Variants in HSPA12A observed in about 807,000 individuals in gnomAD.
The protein encoded by HSPA12A is heat shock protein family A (Hsp70) member 12A, also known as heat shock 70 kDa protein 12A.
In HSPA12A, 28 loss-of-function variants were observed where a neutral mutation model predicts 69.2. The observed-to-expected ratio is 0.40, with a 90% confidence interval of 0.30 to 0.55. HSPA12A has a LOEUF of 0.55. Ranked by LOEUF, HSPA12A falls within the 20% of genes least tolerant of loss-of-function variation. The probability of loss-of-function intolerance (pLI) is 0.38; values close to 1 mark genes in which losing one functional copy is unlikely to be tolerated. For missense variants in HSPA12A, 686 were observed against 900.7 expected, an observed-to-expected ratio of 0.76 and a Z score of 3.05; for synonymous variants, 345 against 370.5, an observed-to-expected ratio of 0.93 and a Z score of 0.79.
At chr10:116,754,187 T>C (rs1293499873) in intron 2 of HSPA12A, among the ~76,000 whole-genome samples, 2 of 152,136 alleles carry the variant, frequency 1.3e-5, no homozygotes, top group Admixed American at 1.3e-4. Context: ...GAGAAGGAAG[T>C]GGGCTCTTCC....
chr10:116,830,850 A>G (rs1326619328), intron 2 of HSPA12A: 1 of 152,390 alleles, frequency 6.6e-6, no homozygotes, highest in East Asian at 1.9e-4. Context: ...TTATAGGTAT[A>G]TGCATATATA....
At chr10:116,815,076 C>T (rs372772846) in intron 2 of HSPA12A, among the ~76,000 whole-genome samples, 13 of 149,662 alleles carry the variant, frequency 8.7e-5, no homozygotes, top group East Asian at 7.8e-4. Flanking sequence ...CCTAAGTACA[C>T]GACTTTACAT....
At chr10:116,690,944 G>T (rs1402237374) in intron 6 of HSPA12A, among the ~76,000 whole-genome samples, 3 of 152,210 alleles carry the variant, frequency 2.0e-5, no homozygotes, top group Non-Finnish European at 4.4e-5. Context: ...AACGCCAGGT[G>T]GCGTCTCTGC....
At chr10:116,770,258 G>A (rs1375948212) in intron 2 of HSPA12A, among the ~76,000 whole-genome samples, 5 of 152,166 alleles carry the variant, frequency 3.3e-5, no homozygotes, top group African/African-American at 7.2e-5. Context: ...CAAGAGTTTG[G>A]CTTATGCGGC....
chr10:116,707,353 C>T, intron 1 of HSPA12A, 68 bp from the exon 2 acceptor site: 3 of 1,240,290 alleles, frequency 2.4e-6, no homozygotes, highest in Non-Finnish European at 3.5e-6. Context: ...GAAATGAGGG[C>T]TGCATGGCCT....
chr10:116,849,263 A>C (rs1253324238), intron 1 of HSPA12A, among the ~76,000 whole-genome samples: 1 of 152,218 alleles, frequency 6.6e-6, no homozygotes, highest in African/African-American at 2.4e-5. Flanking sequence ...AGGTCGTTAA[A>C]GATTTCCCCC....
At chr10:116,779,766 G>A (rs782635170) in intron 2 of HSPA12A, among the ~76,000 whole-genome samples, 1 of 152,110 alleles carries the variant, frequency 6.6e-6, no homozygotes, top group African/African-American at 2.4e-5. Flanking sequence ...GGAATGGCAC[G>A]AAGCCCAATG....
rs1564773287 is a variant in HSPA12A at position 116,679,710 on chromosome 10, T to G, written c.1079A>C (p.Tyr360Ser). 6.2e-7 allele frequency: 1 copy of G among 1,614,202 alleles called. No individual in the cohort carries two copies. Among genetic ancestry groups the G allele is most frequent in the Non-Finnish European group, 8.5e-7 (1 of 1,180,022 alleles). Residue 360 changes from tyrosine to serine, a missense_variant, in exon 10 of 12, where the codon TAT (tyrosine) becomes TCT (serine). Transcript: ENST00000369209. ...GVDYEFEKLLYKIFGEDFIEQ... is the reference protein window; with the variant it reads ...GVDYEFEKLLSKIFGEDFIEQ... ...AATAAAATCCTCTCCAAATATTTTA[T>G]ACAGAAGTTTTTCGAACTCATAATC...
rs1424927869 is a variant in HSPA12A, at chr10:116,674,889, C to T, written c.1920G>A (p.Arg640=). 8 of 1,613,966 alleles carry T rather than the reference C, an allele frequency of 5.0e-6. No homozygotes were observed. The African/African-American group carries it at 9.3e-5, about 19-fold the overall frequency. ...CGAACTGCATAAGGGTCTGGATCTC[C>T]CTCCGGGCGGGCACCGCAGTGCCAC... is the stretch of plus-strand genomic sequence containing the variant. ...GTSGTAVPAR[R]EIQTLMQFGD... is the part of the protein sequence containing the mutation. The change falls in exon 12 of 12, where the codon AGG becomes AGA. Residue 640 remains arginine, a synonymous_variant. Coordinates refer to ENST00000369209, the MANE Select transcript of HSPA12A (RefSeq NM_025015.3).
intron 6 of HSPA12A, among the ~76,000 whole-genome samples, chr10:116,691,444 G>C (rs146280120): frequency 6.6e-6 from 1 of 152,150 alleles, no homozygotes; most frequent in African/African-American, 2.4e-5. Flanking sequence ...AGGTGGGCAG[G>C]ATGCTTCCTG....
intron 1 of HSPA12A, among the ~76,000 whole-genome samples, chr10:116,733,365 A>G (rs1851220320): frequency 6.6e-6 from 1 of 152,206 alleles, no homozygotes; most frequent in Non-Finnish European, 1.5e-5. Flanking sequence ...CCGAATACCT[A>G]CAGCTTCCCT....
At chr10:116,694,321 C>G (rs1849819260) in intron 5 of HSPA12A, among the ~76,000 whole-genome samples, 2 of 152,190 alleles carry the variant, frequency 1.3e-5, no homozygotes, top group South Asian at 4.1e-4. Context: ...GCCATAACCC[C>G]CTCCCTCCAA....
At position 116,675,482 on chromosome 10, in the gene HSPA12A, G is replaced by A; in HGVS notation, c.1391-64C>T. 1 of 1,477,514 alleles carries A rather than the reference G, an allele frequency of 6.8e-7. No individual in the cohort carries two copies. The highest frequency in any genetic ancestry group is 9.0e-7 in the Non-Finnish European group (1 of 1,108,878). The allele number at this position is 1,477,514 out of a possible 1,614,324, so 91.5% of individuals were successfully genotyped here. Reference sequence around the variant, plus strand: ...AAGCCAGCAAGGAAGGGGGAACTGGGCTGCCTGCATCTGTGGGGAACGGAT... The same window carrying A: ...AAGCCAGCAAGGAAGGGGGAACTGGACTGCCTGCATCTGTGGGGAACGGAT... On this transcript the variant is annotated intron_variant, in intron 11 of 11. Transcript: ENST00000369209. The surrounding 1 kb of genome is among the most constrained non-coding windows in gnomAD (Gnocchi z 5.2).
At chr10:116,751,114 A>G in intron 2 of HSPA12A, 1 of 168,902 alleles carries the variant, frequency 5.9e-6, no homozygotes, top group Non-Finnish European at 1.3e-5. Context: ...AAGGAGATGA[A>G]GAAAAGGAAG....
At chr10:116,778,147 G>A (rs532599269) in intron 2 of HSPA12A, among the ~76,000 whole-genome samples, 17 of 152,354 alleles carry the variant, frequency 1.1e-4, no homozygotes, top group African/African-American at 3.8e-4. Flanking sequence ...GGCCACAGCA[G>A]CTTGGGAAAG....
In HSPA12A at chr10:116,723,569, G is replaced by T. The variant is rs1165537742; in HGVS notation, c.41-16284C>A. Among the ~76,000 whole-genome samples, 1 of 152,224 alleles carries T rather than the reference G, an allele frequency of 6.6e-6. No individual in the cohort carries two copies. Among genetic ancestry groups the T allele is most frequent in the Non-Finnish European group, 1.5e-5 (1 of 68,038 alleles). On this transcript the variant is annotated intron_variant, in intron 1 of 11. Transcript: ENST00000369209. This position sits in a 1 kb window ranked among gnomAD's most constrained non-coding sequence, Gnocchi z 4.1. Reference sequence around the variant, plus strand: ...CAACTGTCTCTCTCACAGGGCTGCTGTGGAGACCACAAGGGGTGACCCATA... The same window carrying T: ...CAACTGTCTCTCTCACAGGGCTGCTTTGGAGACCACAAGGGGTGACCCATA...
intron 2 of HSPA12A, among the ~76,000 whole-genome samples, chr10:116,779,674 G>C (rs534529723): frequency 6.6e-6 from 1 of 152,276 alleles, no homozygotes; most frequent in African/African-American, 2.4e-5. Context: ...CCCAAGCTTT[G>C]CTATGTCTAT....
At chr10:116,756,539 G>C (rs1410306703) in intron 2 of HSPA12A, among the ~76,000 whole-genome samples, 1 of 152,214 alleles carries the variant, frequency 6.6e-6, no homozygotes, top group Non-Finnish European at 1.5e-5. Flanking sequence ...TTGGCACACG[G>C]GCACCCTCTG....
At chr10:116,730,644 G>A (rs1554885584) in intron 1 of HSPA12A, among the ~76,000 whole-genome samples, 1 of 152,234 alleles carries the variant, frequency 6.6e-6, no homozygotes, top group East Asian at 1.9e-4. Flanking sequence ...TCCATCTGCT[G>A]GGCTCTCTTC....
Sources: allele counts gnomAD v4.1 joint callset (sites outside exome capture counted in the v4.1 genomes callset), GRCh38; gene constraint gnomAD v4.1.1; non-coding constraint Gnocchi (gnomAD v3.1); transcripts MANE v1.5; gene names NCBI Gene and HGNC (gene_info 2026-07-23, HGNC 2026-07-21).